Variants in TROAP observed in about 807,000 individuals in gnomAD.
TROAP encodes tastin.
A neutral mutation model predicts 83.4 loss-of-function variants in TROAP; 62 were observed. The observed-to-expected ratio is 0.74, with a 90% confidence interval of 0.61 to 0.92. TROAP has a LOEUF of 0.92. TROAP is among the 40% of genes least tolerant of loss of function. The pLI is 0.00. For synonymous variants in TROAP, 352 were observed against 386.4 expected (o/e 0.91, Z 1.04); for missense variants, 876 against 985.1 (o/e 0.89, Z 1.48).
chr12:49,329,024 A>C lies in TROAP; in HGVS notation c.989A>C (p.Gln330Pro). The change falls in exon 9 of 15, where the codon CAG becomes CCG. Residue 330 changes from glutamine to proline, a missense_variant. Gln to Pro is a moderately conservative substitution (Grantham distance 76). Transcript: ENST00000257909. The surrounding 1 kb of genome is among the most constrained non-coding windows in gnomAD (Gnocchi z 4.5). ...VPCPSPFGRA[Q>P]RVPSPGPPTL... ...TGTCCATCACCCTTTGGACGGGCTCAGCGTGTACCCTCCCCAGGCCCTCCA... is the reference window on the plus strand; with the variant it reads ...TGTCCATCACCCTTTGGACGGGCTCCGCGTGTACCCTCCCCAGGCCCTCCA... 2 of 1,611,708 alleles carry C rather than the reference A, an allele frequency of 1.2e-6. No individual in the cohort carries two copies. Among genetic ancestry groups the C allele is most frequent in the Non-Finnish European group, 1.7e-6 (2 of 1,178,432 alleles).
intron 6 of TROAP, 128 bp from the exon 7 acceptor site, chr12:49,326,540 G>A (rs1943503999): frequency 8.1e-6 from 9 of 1,108,768 alleles, no homozygotes; most frequent in African/African-American, 1.6e-5. Context: ...TGTCAAGTGA[G>A]AATAACATTT....
chr12:49,323,640 T>C lies in TROAP; in HGVS notation c.32T>C (p.Leu11Pro). The part of the protein sequence containing the change: MTTRQATKDP[L>P]LRGVSPTPSK... The stretch of plus-strand genomic sequence containing the variant: ...ACCCGGCAAGCCACGAAGGATCCCC[T>C]CCTCCGGGGTGTATCTCCTACCCCT... Residue 11 changes from leucine (L) to proline (P), a missense_variant, in exon 2 of 15, where the codon CTC becomes CCC. Coordinates refer to ENST00000257909, the MANE Select transcript of TROAP (RefSeq NM_005480.4). The C allele has an allele frequency of 6.2e-7, 1 of 1,613,990 alleles. No homozygotes were observed. The highest frequency in any genetic ancestry group is 8.5e-7 in the Non-Finnish European group (1 of 1,179,976).
rs867681348 is a variant in TROAP at position 49,326,708 on chromosome 12, C to A, written c.757C>A (p.Pro253Thr). The A allele has an allele frequency of 6.4e-7, 1 of 1,562,138 alleles. No individual in the cohort carries two copies. The highest frequency in any genetic ancestry group is 2.4e-5 in the East Asian group (1 of 41,942). Residue 253 changes from proline (P) to threonine (T), a missense_variant, in exon 7 of 15, where the codon CCA becomes ACA. This residue lies in a region of TROAP where 689 missense variants were observed against 722.6 expected (regional missense o/e 0.95). Coordinates refer to ENST00000257909, the MANE Select transcript of TROAP (RefSeq NM_005480.4). ...GGCCTCAGGATTGCTCCTGGAGACC[C>A]CAGTCCAGCCTGGTAAGTGTTTCTG... is the stretch of plus-strand genomic sequence containing the variant. ...SQASGLLLET[P>T]VQPAFSLPKG...
At chr12:49,325,907 T>C in intron 5 of TROAP, 23 bp downstream of exon 5, 3 of 1,608,690 alleles carry the variant, frequency 1.9e-6, no homozygotes, top group Non-Finnish European at 1.7e-6. Context: ...GAGGGGCTGA[T>C]AGTCGGTGCT....
At position 49,330,927 on chromosome 12, in the gene TROAP, C is replaced by G. The variant is rs765266779; in HGVS notation, c.2082C>G (p.Pro694=). Residue 694 remains proline (P), a synonymous_variant, in exon 13 of 15, where the codon CCC becomes CCG. Coordinates refer to ENST00000257909, the MANE Select transcript of TROAP (RefSeq NM_005480.4). ...TCTGCTCACTCCAGTCTTTGAGACC[C>G]CCAGCAGGCCAGGCAGGTAAGGAGT... The part of the protein sequence containing the change: ...PPICSLQSLR[P]PAGQAGLSNL... The G allele has an allele frequency of 6.2e-7, 1 of 1,611,636 alleles. No individual in the cohort carries two copies. Among genetic ancestry groups the G allele is most frequent in the East Asian group, 2.2e-5 (1 of 44,884 alleles).
At chr12:49,325,967 C>T (rs1034042361) in intron 5 of TROAP, 83 bp downstream of exon 5, 246 of 1,604,974 alleles carry the variant, frequency 1.5e-4, no homozygotes, top group Non-Finnish European at 2.1e-4. Flanking sequence ...GAAGAGGTAC[C>T]TCATGATGAG....
Position 49,325,785 on chromosome 12 carries a change from C to A in TROAP, c.534C>A (p.Pro178=), listed in dbSNP as rs1332772344. 6.2e-7 allele frequency: 1 copy of A among 1,614,002 alleles called. No individual in the cohort carries two copies. The highest frequency in any genetic ancestry group is 8.5e-7 in the Non-Finnish European group (1 of 1,180,012). ...CTGCATATTTGGCCCCCAGAACCCCCACCCACCGACTGGACCCTGCCAGGG... is the reference window on the plus strand; with the variant it reads ...CTGCATATTTGGCCCCCAGAACCCCAACCCACCGACTGGACCCTGCCAGGG... ...RASAYLAPRT[P]THRLDPARAS... The change falls in exon 5 of 15, where the codon CCC becomes CCA. Residue 178 remains proline, a synonymous_variant. Coordinates refer to ENST00000257909, the MANE Select transcript of TROAP (RefSeq NM_005480.4).
intron 3 of TROAP, chr12:49,324,257 A>G (rs781688463): frequency 1.3e-6 from 2 of 1,580,884 alleles, no homozygotes; most frequent in African/African-American, 1.3e-5. Context: ...CTGTAATCAC[A>G]GCTACTCAGG....
At position 49,327,307 on chromosome 12, in the gene TROAP, A is replaced by G. The variant is rs1943515116; in HGVS notation, c.868A>G (p.Asn290Asp). The change falls in exon 8 of 15, where the codon AAC becomes GAC. Residue 290 changes from asparagine (N) to aspartate (D), a missense_variant. Asn to Asp is a conservative substitution (Grantham distance 23, BLOSUM62 1). This residue lies in a region of TROAP where 689 missense variants were observed against 722.6 expected (regional missense o/e 0.95). Coordinates refer to ENST00000257909, the MANE Select transcript of TROAP (RefSeq NM_005480.4). ...GLAQRVPLRE[N>D]REMSHTRDSH... ...GGCCCAGCGAGTACCATTAAGAGAA[A>G]ACCGAGAAATGTCACATACCAGGGT... 6.2e-7 allele frequency: 1 copy of G among 1,614,044 alleles called. No individual in the cohort carries two copies. The highest frequency in any genetic ancestry group is 8.5e-7 in the Non-Finnish European group (1 of 1,179,952).
chr12:49,328,631 G>A (rs1399897499), intron 8 of TROAP, among the ~76,000 whole-genome samples: 4 of 152,024 alleles, frequency 2.6e-5, no homozygotes, highest in Admixed American at 6.5e-5. Context: ...TTGGGAGGCC[G>A]AGGCGGGCAG....
rs780105914 is a variant in TROAP at position 49,323,884 on chromosome 12, C to G, written c.184C>G (p.Leu62Val). The G allele has an allele frequency of 1.2e-6, 2 of 1,614,078 alleles. No individual in the cohort carries two copies. The highest frequency in any genetic ancestry group is 1.7e-6 in the Non-Finnish European group (2 of 1,180,040). ...ACCACCGCTCAATATTCAACGCCCC[C>G]TCGTTGATTCAGCAGGCCCCAGGCC... ...QKPPLNIQRP[L>V]VDSAGPRPKA... The change falls in exon 3 of 15, where the codon CTC becomes GTC. Residue 62 changes from leucine (L) to valine (V), a missense_variant. Physicochemically the swap from Leu to Val is conservative, Grantham distance 32 (BLOSUM62 1). This residue lies in a region of TROAP where 689 missense variants were observed against 722.6 expected (regional missense o/e 0.95). Coordinates refer to ENST00000257909, the MANE Select transcript of TROAP (RefSeq NM_005480.4).
In TROAP at chr12:49,326,681, C is replaced by A; in HGVS notation, c.730C>A (p.Gln244Lys). ...TAGSSRTSVS[Q>K]ASGLLLETPV... is the part of the protein sequence containing the mutation. ...TATTGTCATCAGGACTTCAGTGAGC[C>A]AGGCCTCAGGATTGCTCCTGGAGAC... Residue 244 changes from glutamine (Q) to lysine (K), a missense_variant, in exon 7 of 15, where the codon CAG becomes AAG. By Grantham distance (53) the Gln-to-Lys change is moderately conservative (BLOSUM62 1). Transcript: ENST00000257909. The A allele has an allele frequency of 6.4e-7, 1 of 1,559,152 alleles. No individual in the cohort carries two copies. Among genetic ancestry groups the A allele is most frequent in the East Asian group, 2.4e-5 (1 of 41,696 alleles).
chr12:49,323,900 G>GC lies in TROAP; in HGVS notation c.204dup (p.Arg69GlnfsTer30). ...CAACGCCCCCTCGTTGATTCAGCAG[G>GC]CCCCAGGCCGAAAGCCAGGCACCAG... On this transcript the variant is annotated frameshift_variant, in exon 3 of 15. Coordinates refer to ENST00000257909, the MANE Select transcript of TROAP (RefSeq NM_005480.4). LOFTEE classifies it high-confidence loss of function. 1 of 1,614,060 alleles carries GC rather than the reference G, an allele frequency of 6.2e-7. No individual in the cohort carries two copies. The highest frequency in any genetic ancestry group is 1.6e-4 in the Middle Eastern group (1 of 6,062).
intron 5 of TROAP, 37 bp downstream of exon 5, chr12:49,325,921 G>A: frequency 4.4e-6 from 7 of 1,606,518 alleles, no homozygotes; most frequent in Non-Finnish European, 5.9e-6. Context: ...CGGTGCTTCT[G>A]GGAGCTCCTT....
Position 49,325,805 on chromosome 12 carries a change from C to T in TROAP, c.554C>T (p.Ala185Val), listed in dbSNP as rs1592310625. 6.2e-7 allele frequency: 1 copy of T among 1,613,998 alleles called. No individual in the cohort carries two copies. The highest frequency in any genetic ancestry group is 8.5e-7 in the Non-Finnish European group (1 of 1,180,022). ...PRTPTHRLDP[A>V]RASCFSRLEG... ...ACCCCCACCCACCGACTGGACCCTG[C>T]CAGGGCTTCCTGCTTCTCTAGGCTG... The change falls in exon 5 of 15, where the codon GCC (alanine) becomes GTC (valine). Residue 185 changes from alanine (A) to valine (V), a missense_variant. Transcript: ENST00000257909.
Position 49,329,536 on chromosome 12 carries a change from G to A in TROAP, c.1164+82G>A. Reference sequence around the variant, plus strand: ...AGGCCCAGGAGTTTGAGGCACACGTGCTTTCTGGGCCAGGCATGGTGGCTC... The same window carrying A: ...AGGCCCAGGAGTTTGAGGCACACGTACTTTCTGGGCCAGGCATGGTGGCTC... On this transcript the variant is annotated intron_variant, in intron 11 of 14. Transcript: ENST00000257909. The surrounding 1 kb of genome is among the most constrained non-coding windows in gnomAD (Gnocchi z 4.5). The A allele has an allele frequency of 6.8e-7, 1 of 1,473,998 alleles. No homozygotes were observed. Among genetic ancestry groups the A allele is most frequent in the Non-Finnish European group, 9.2e-7 (1 of 1,088,698 alleles). The allele number at this position is 1,473,998 out of a possible 1,614,324, so 91.3% of individuals were successfully genotyped here.
chr12:49,326,760 G>A (rs538947195), intron 7 of TROAP, 40 bp downstream of exon 7: 1 of 1,552,130 alleles, frequency 6.4e-7, no homozygotes, highest in South Asian at 1.2e-5. Flanking sequence ...GGGGCAGTTG[G>A]GCTGCCTGAA....
chr12:49,329,249 G>A lies in TROAP; in HGVS notation c.1104+5G>A. ...TCAACCCCCAGAGTTCAGCAGGTAA[G>A]AGAGGGCATGGAGAGGTGGCTGGCA... On this transcript the variant is annotated splice_donor_5th_base_variant and intron_variant, in intron 10 of 14. Coordinates refer to ENST00000257909, the MANE Select transcript of TROAP (RefSeq NM_005480.4). The surrounding 1 kb of genome is among the most constrained non-coding windows in gnomAD (Gnocchi z 4.5). 2 of 1,614,234 alleles carry A rather than the reference G, an allele frequency of 1.2e-6. No individual in the cohort carries two copies. Among genetic ancestry groups the A allele is most frequent in the Non-Finnish European group, 1.7e-6 (2 of 1,180,032 alleles).
At position 49,324,363 on chromosome 12, in the gene TROAP, A is replaced by G. The variant is rs963776202; in HGVS notation, c.337+326A>G. ...CTCTTTAAAAAATAAATAAATAAAT[A>G]AATAATAAATATCACTTCTTCTGAA... On this transcript the variant is annotated intron_variant, in intron 3 of 14. Coordinates refer to ENST00000257909, the MANE Select transcript of TROAP (RefSeq NM_005480.4). 10 of 537,708 alleles carry G rather than the reference A, an allele frequency of 1.9e-5. 1 individual carries two copies. The highest frequency in any genetic ancestry group is 3.2e-5 in the Non-Finnish European group (10 of 311,292). 33.3% of individuals were successfully genotyped at this position (537,708 alleles called of 1,614,324 possible).
Sources: gnomAD v4.1 joint callset for allele counts (sites outside exome capture counted in the v4.1 genomes callset) on GRCh38, gnomAD v4.1.1 for gene constraint, gnomAD v4.1.1 regional missense constraint, Gnocchi (gnomAD v3.1) non-coding constraint, MANE v1.5 for transcripts, NCBI Gene and HGNC (gene_info 2026-07-23, HGNC 2026-07-21) for gene names.